Variants in ENPP2 observed in about 807,000 individuals in gnomAD.
The protein encoded by ENPP2 is ectonucleotide pyrophosphatase/phosphodiesterase 2, also known as autotaxin.
Under a neutral mutation model 120.2 loss-of-function variants are expected in ENPP2, and 51 were observed. That is an observed-to-expected ratio of 0.42 (90% CI 0.34 to 0.54). ENPP2 has a LOEUF of 0.54. ENPP2 is among the 20% of genes least tolerant of loss of function. The pLI, the probability that ENPP2 is intolerant of heterozygous loss-of-function variation, is 0.04. For missense variants in ENPP2, 920 were observed against 1,066.5 expected, an observed-to-expected ratio of 0.86 and a Z score of 1.91; for synonymous variants, 365 against 366.4, an observed-to-expected ratio of 1.00 and a Z score of 0.04.
chr8:119,567,550 G>A (rs892621993), intron 22 of ENPP2, among the ~76,000 whole-genome samples: 2 of 152,044 alleles, frequency 1.3e-5, no homozygotes, highest in Non-Finnish European at 2.9e-5. Flanking sequence ...ATTTATGTCA[G>A]GTACAAAGAA....
In ENPP2 at chr8:119,599,805, A is replaced by T. The variant is rs1814156569; in HGVS notation, c.972+873T>A. Among the ~76,000 whole-genome samples the T allele has an allele frequency of 1.3e-5, 2 of 152,194 alleles. 1 individual carries two copies. The highest frequency in any genetic ancestry group is 4.1e-4 in the South Asian group (2 of 4,836). On this transcript the variant is annotated intron_variant, in intron 11 of 24. Transcript: ENST00000075322. ...TGGATCACCTGAGGTCAGGAGTTAG[A>T]GACCAGCCTGGCACAACATGGCGGA...
At chr8:119,609,314 G>C (rs1165817927) in intron 8 of ENPP2, among the ~76,000 whole-genome samples, 1 of 152,242 alleles carries the variant, frequency 6.6e-6, no homozygotes, top group African/African-American at 2.4e-5. Flanking sequence ...GCAGGAGAAC[G>C]TACAGAGCAC....
At chr8:119,580,050 A>G in intron 19 of ENPP2, 66 bp downstream of exon 19, 1 of 1,052,532 alleles carries the variant, frequency 9.5e-7, no homozygotes, top group Non-Finnish European at 1.5e-6. Flanking sequence ...TAATGTAAAT[A>G]AGAAGCCTTT....
intron 1 of ENPP2, among the ~76,000 whole-genome samples, chr8:119,651,714 A>AC (rs1358392976): frequency 6.6e-6 from 1 of 152,008 alleles, no homozygotes; most frequent in Non-Finnish European, 1.5e-5. Context: ...CCTTCTTGTG[A>AC]CCCCCAAAAA....
chr8:119,602,725 C>G (rs1814404341), intron 9 of ENPP2, among the ~76,000 whole-genome samples: 1 of 152,150 alleles, frequency 6.6e-6, no homozygotes, highest in Non-Finnish European at 1.5e-5. Flanking sequence ...ACAGGGAGCA[C>G]AAAATGCATT....
Position 119,617,248 on chromosome 8 carries a change from A to G in ENPP2, c.578-5T>C. 6.2e-7 allele frequency: 1 copy of G among 1,609,026 alleles called. No homozygotes were observed. The highest frequency in any genetic ancestry group is 8.5e-7 in the Non-Finnish European group (1 of 1,175,424). ...GAGAGTGTGTGCCACAAGACCCTGG[A>G]AAGAGAATTGCAAATATTAGAACAA... On this transcript the variant is annotated splice_region_variant and splice_polypyrimidine_tract_variant and intron_variant, in intron 6 of 24. Coordinates refer to ENST00000075322, the MANE Select transcript of ENPP2 (RefSeq NM_001040092.3).
Position 119,569,327 on chromosome 8 carries a change from C to A in ENPP2, c.1961G>T (p.Arg654Leu). 1 of 1,614,010 alleles carries A rather than the reference C, an allele frequency of 6.2e-7. No homozygotes were observed. Among genetic ancestry groups the A allele is most frequent in the Non-Finnish European group, 8.5e-7 (1 of 1,180,006 alleles). The change falls in exon 21 of 25, where the codon CGG becomes CTG. Residue 654 changes from arginine (R) to leucine (L), a missense_variant. Arg to Leu is a moderately radical substitution (Grantham distance 102). Coordinates refer to ENST00000075322, the MANE Select transcript of ENPP2 (RefSeq NM_001040092.3). ...SVPDHLTSCV[R>L]PDVRVSPSFS... is the part of the protein sequence containing the mutation. The stretch of plus-strand genomic sequence containing the variant: ...ACTCGGAGAAACACGGACATCAGGC[C>A]GGACGCAACTGGTCAGATGGTCAGG...
At chr8:119,643,754 G>A (rs1817350327), upstream of ENPP2, among the ~76,000 whole-genome samples, 1 of 152,150 alleles carries the variant, frequency 6.6e-6, no homozygotes, top group African/African-American at 2.4e-5. Flanking sequence ...TACAACTGTG[G>A]AAAATGAAGA....
chr8:119,663,215 A>G (rs1055096236), intron 1 of ENPP2, among the ~76,000 whole-genome samples: 3 of 152,214 alleles, frequency 2.0e-5, no homozygotes, highest in African/African-American at 7.2e-5. Flanking sequence ...GTGCTTTTTC[A>G]AGTTAGGTCA....
At chr8:119,574,249 A>T (rs1271999813) in intron 19 of ENPP2, among the ~76,000 whole-genome samples, 1 of 152,116 alleles carries the variant, frequency 6.6e-6, no homozygotes, top group African/African-American at 2.4e-5. Flanking sequence ...TTGAGCAAAA[A>T]GTCTCTCTAC....
At chr8:119,582,081 G>C (rs1005044853) in intron 18 of ENPP2, among the ~76,000 whole-genome samples, 1 of 152,028 alleles carries the variant, frequency 6.6e-6, no homozygotes, top group Admixed American at 6.6e-5. Flanking sequence ...GTCTCCCGTC[G>C]GGACCATGAC....
chr8:119,588,999 A>T (rs1440668303), intron 13 of ENPP2, among the ~76,000 whole-genome samples: 1 of 152,150 alleles, frequency 6.6e-6, no homozygotes, highest in Non-Finnish European at 1.5e-5. Context: ...CTGAGCCTCA[A>T]TTTCTACTGT....
intron 13 of ENPP2, among the ~76,000 whole-genome samples, chr8:119,589,852 T>C (rs923664920): frequency 6.6e-6 from 1 of 152,202 alleles, no homozygotes; most frequent in African/African-American, 2.4e-5. Context: ...AGACAGCACC[T>C]AAAAATCTTA....
chr8:119,584,586 T>C (rs193288759), intron 15 of ENPP2, among the ~76,000 whole-genome samples: 1 of 152,358 alleles, frequency 6.6e-6, no homozygotes, highest in Non-Finnish European at 1.5e-5. Context: ...CAAATTTATC[T>C]ATCAATATAC....
chr8:119,620,814 C>T (rs937472762), intron 4 of ENPP2, among the ~76,000 whole-genome samples: 7 of 152,120 alleles, frequency 4.6e-5, no homozygotes, highest in African/African-American at 1.7e-4. Context: ...AAATGCTGGC[C>T]CCCTCATCCC....
intron 2 of ENPP2, among the ~76,000 whole-genome samples, chr8:119,627,501 T>A (rs1050447695): frequency 3.3e-5 from 5 of 152,066 alleles, no homozygotes; most frequent in Admixed American, 1.3e-4. Flanking sequence ...TTATTTGGTA[T>A]AAATTTAATC....
rs79967014 is a variant in ENPP2 at position 119,622,651 on chromosome 8, G to A, written c.293-1132C>T. On this transcript the variant is annotated intron_variant, in intron 3 of 24. Transcript: ENST00000075322. ...GCAGACTGTAAGCCTGGGAGACTGCGCCTGGCACATGCTAGGTGTTCAATC... is the reference window on the plus strand; with the variant it reads ...GCAGACTGTAAGCCTGGGAGACTGCACCTGGCACATGCTAGGTGTTCAATC... Among the ~76,000 whole-genome samples the A allele has an allele frequency of 1.3e-3, 204 of 152,266 alleles. 1 individual carries two copies. Among genetic ancestry groups the A allele is most frequent in the African/African-American group, 4.8e-3 (200 of 41,570 alleles).
chr8:119,597,356 A>T (rs1813970045), intron 11 of ENPP2, among the ~76,000 whole-genome samples: 1 of 152,202 alleles, frequency 6.6e-6, no homozygotes, highest in Non-Finnish European at 1.5e-5. Context: ...AGACCTCAAC[A>T]TTCCAAAGAC....
In ENPP2 at chr8:119,652,914, C is replaced by T. The variant is rs142254801; in HGVS notation, c.22-14387G>A. ...AAGCAGAATACAAAATTTAGGTATA[C>T]AACTTTGCACTAGGAGAGACCAGCA... On this transcript the variant is annotated intron_variant, in intron 1 of 25. Transcript: ENST00000427067. 1.3e-3 allele frequency among the ~76,000 whole-genome samples: 191 copies of T among 152,288 alleles called. 3 individuals are homozygous for T. The East Asian group carries it at 0.035, about 28-fold the overall frequency.
Sources: gnomAD v4.1 joint callset for allele counts (sites outside exome capture counted in the v4.1 genomes callset) on GRCh38, gnomAD v4.1.1 for gene constraint, MANE v1.5 for transcripts, NCBI Gene and HGNC (gene_info 2026-07-23, HGNC 2026-07-21) for gene names.